The following CUL1 variants were observed in gnomAD, a reference collection of about 807,000 sequenced individuals.
CUL1 encodes cullin 1.
CUL1 carries 24 observed loss-of-function variants against 118.0 expected under a neutral mutation model. The ratio of observed to expected loss-of-function variants is 0.20; its 90% CI spans 0.15 to 0.29. The LOEUF (loss-of-function observed/expected upper bound fraction) is 0.29. CUL1 is among the 10% of genes least tolerant of loss of function. The probability of loss-of-function intolerance (pLI) is 1.00; values close to 1 mark genes in which losing one functional copy is unlikely to be tolerated. For missense variants in CUL1, 361 were observed against 933.8 expected (o/e 0.39, Z 7.99); for synonymous variants, 332 against 340.4 (o/e 0.98, Z 0.27).
chr7:148,723,490 C>A (rs1563150468), intron 1 of CUL1, among the ~76,000 whole-genome samples: 1 of 152,134 alleles, frequency 6.6e-6, no homozygotes. Context: ...GCATCATAGT[C>A]AATATCATAT....
intron 9 of CUL1, among the ~76,000 whole-genome samples, chr7:148,767,952 T>C (rs752077381): frequency 6.6e-6 from 1 of 152,236 alleles, no homozygotes; most frequent in Non-Finnish European, 1.5e-5. Flanking sequence ...CCTCGCACTT[T>C]TTAGGCGTTA....
chr7:148,724,330 A>G (rs1369728878), intron 1 of CUL1, among the ~76,000 whole-genome samples: 2 of 152,198 alleles, frequency 1.3e-5, no homozygotes, highest in East Asian at 1.9e-4. Flanking sequence ...CTGTGAGACA[A>G]GTTCTTAAAT....
At chr7:148,796,150 C>T (rs1019964087) in intron 17 of CUL1, among the ~76,000 whole-genome samples, 1 of 152,154 alleles carries the variant, frequency 6.6e-6, no homozygotes, top group Non-Finnish European at 1.5e-5. Context: ...CTTTATCAGA[C>T]TAAAGAGGTT....
intron 15 of CUL1, 127 bp downstream of exon 15, chr7:148,789,953 T>TG (rs966937672): frequency 1.0e-4 from 90 of 866,098 alleles, no homozygotes; most frequent in Non-Finnish European, 5.7e-6. Flanking sequence ...CGGTGAACCA[T>TG]GGGGGCAACA....
At chr7:148,774,492 CTA>C (rs1800331675) in intron 9 of CUL1, among the ~76,000 whole-genome samples, 1 of 152,330 alleles carries the variant, frequency 6.6e-6, no homozygotes, top group East Asian at 1.9e-4. Context: ...TAATTCTTGA[CTA>C]TACAATTGAT....
intron 2 of CUL1, among the ~76,000 whole-genome samples, chr7:148,751,947 T>C (rs1010262051): frequency 2.0e-5 from 3 of 152,094 alleles, no homozygotes; most frequent in Non-Finnish European, 4.4e-5. Context: ...AAACCTCATG[T>C]CTACTAAACA....
chr7:148,797,454 G>C (rs1213631746), intron 17 of CUL1, among the ~76,000 whole-genome samples: 1 of 151,480 alleles, frequency 6.6e-6, no homozygotes, highest in Non-Finnish European at 1.5e-5. Context: ...TCCAATCAGG[G>C]CTGCTGAATC....
intron 1 of CUL1, among the ~76,000 whole-genome samples, chr7:148,725,220 C>CG (rs59229870): frequency 1.5e-5 from 1 of 66,026 alleles, no homozygotes; most frequent in Non-Finnish European, 3.2e-5. Context: ...CACGCGCGCG[C>CG]TCACACACAC....
intron 9 of CUL1, among the ~76,000 whole-genome samples, chr7:148,780,621 G>A (rs765895427): frequency 6.6e-6 from 1 of 152,192 alleles, no homozygotes; most frequent in Non-Finnish European, 1.5e-5. Flanking sequence ...CAGGCCACAC[G>A]GGCTCACCTG....
chr7:148,789,804 G>A lies in CUL1; in HGVS notation c.1652G>A (p.Cys551Tyr). ...GGGTCCTGGCCCTTCCAGCAGTCTT[G>A]TACATTTGCCTTGCCGTCAGAGGTA... ...SSGSWPFQQSCTFALPSELER... is the reference protein window; with the variant it reads ...SSGSWPFQQSYTFALPSELER... The change falls in exon 15 of 22, where the codon TGT becomes TAT. Residue 551 changes from cysteine to tyrosine, a missense_variant. Coordinates refer to ENST00000325222, the MANE Select transcript of CUL1 (RefSeq NM_003592.3). 1 of 1,614,172 alleles carries A rather than the reference G, an allele frequency of 6.2e-7. No individual in the cohort carries two copies. The highest frequency in any genetic ancestry group is 8.5e-7 in the Non-Finnish European group (1 of 1,180,020).
intron 7 of CUL1, among the ~76,000 whole-genome samples, chr7:148,762,278 C>T (rs904927753): frequency 6.6e-6 from 1 of 152,174 alleles, no homozygotes; most frequent in East Asian, 1.9e-4. Flanking sequence ...AAAGTCCTAT[C>T]CGGTTTGTTT....
chr7:148,742,061 G>C (rs958723166), intron 2 of CUL1, among the ~76,000 whole-genome samples: 1 of 152,136 alleles, frequency 6.6e-6, no homozygotes, highest in Non-Finnish European at 1.5e-5. Context: ...TCTTTTTGTA[G>C]ATTATTTTGG....
chr7:148,775,319 A>G (rs1800360172), intron 9 of CUL1, among the ~76,000 whole-genome samples: 1 of 152,220 alleles, frequency 6.6e-6, no homozygotes, highest in Non-Finnish European at 1.5e-5. Context: ...AGTGTAACCC[A>G]GCTTGGTTTG....
intron 17 of CUL1, among the ~76,000 whole-genome samples, chr7:148,793,133 G>A (rs1010597858): frequency 3.3e-5 from 5 of 152,066 alleles, no homozygotes; most frequent in Admixed American, 6.6e-5. Flanking sequence ...GTACTCCAGC[G>A]TGGGTGACAG....
At chr7:148,734,036 A>AAAAAG (rs3842151) in intron 2 of CUL1, among the ~76,000 whole-genome samples, 1 of 150,408 alleles carries the variant, frequency 6.6e-6, no homozygotes, top group East Asian at 1.9e-4. Context: ...AGCCAAAAAA[A>AAAAAG]AAAAGAAAAG....
At chr7:148,792,390 C>T (rs1801044619) in intron 16 of CUL1, among the ~76,000 whole-genome samples, 1 of 152,140 alleles carries the variant, frequency 6.6e-6, no homozygotes, top group Non-Finnish European at 1.5e-5. Flanking sequence ...TTAACATGTC[C>T]ATATATACCA....
chr7:148,740,450 C>G (rs1799107213), intron 2 of CUL1, among the ~76,000 whole-genome samples: 1 of 152,218 alleles, frequency 6.6e-6, no homozygotes, highest in Non-Finnish European at 1.5e-5. Context: ...TAATGTTCAA[C>G]TGTCACATTC....
At chr7:148,763,626 AT>A (rs1387636854) in intron 7 of CUL1, among the ~76,000 whole-genome samples, 1 of 152,210 alleles carries the variant, frequency 6.6e-6, no homozygotes, top group Non-Finnish European at 1.5e-5. Context: ...AACATGAGGT[AT>A]TTATTTGTTA....
At chr7:148,797,163 G>C (rs1169509424) in intron 17 of CUL1, among the ~76,000 whole-genome samples, 1 of 152,272 alleles carries the variant, frequency 6.6e-6, no homozygotes, top group African/African-American at 2.4e-5. Context: ...CTGCCGCTGA[G>C]CCCCACTGTT....
Sources: gnomAD v4.1 joint callset for allele counts (sites outside exome capture counted in the v4.1 genomes callset) on GRCh38, gnomAD v4.1.1 for gene constraint, MANE v1.5 for transcripts, NCBI Gene and HGNC (gene_info 2026-07-23, HGNC 2026-07-21) for gene names.